Variants in DPP10 observed in about 807,000 individuals in gnomAD.
DPP10 encodes the protein dipeptidyl peptidase like 10.
A neutral mutation model predicts 120.9 loss-of-function variants in DPP10; 33 were observed. The observed-to-expected ratio is 0.27, with a 90% CI of 0.21 to 0.37. The LOEUF is 0.37. DPP10 is among the 10% of genes least tolerant of loss of function. The probability of loss-of-function intolerance (pLI) is 1.00; values close to 1 mark genes in which losing one functional copy is unlikely to be tolerated. For missense variants in DPP10, 816 were observed against 942.8 expected, an observed-to-expected ratio of 0.87 and a Z score of 1.76; for synonymous variants, 337 against 326.1, an observed-to-expected ratio of 1.03 and a Z score of -0.36.
chr2:115,385,884 AT>A (rs2066896746), intron 3 of DPP10, among the ~76,000 whole-genome samples: 1 of 152,218 alleles, frequency 6.6e-6, no homozygotes, highest in African/African-American at 2.4e-5. Flanking sequence ...CCACTCCTAC[AT>A]AAGGTATGAT....
chr2:115,116,920 T>G (rs1355664238), intron 1 of DPP10, among the ~76,000 whole-genome samples: 2 of 152,232 alleles, frequency 1.3e-5, no homozygotes, highest in Non-Finnish European at 2.9e-5. Flanking sequence ...TCAGATTTCT[T>G]GTGCACAAAG....
chr2:115,262,245 A>G (rs1418253265), intron 1 of DPP10, among the ~76,000 whole-genome samples: 1 of 152,152 alleles, frequency 6.6e-6, no homozygotes, highest in Non-Finnish European at 1.5e-5. Flanking sequence ...ATCATTATAT[A>G]TCTGAGAAAT....
intron 1 of DPP10, among the ~76,000 whole-genome samples, chr2:115,218,659 C>G (rs1346922382): frequency 6.6e-6 from 1 of 152,026 alleles, no homozygotes; most frequent in Admixed American, 6.6e-5. Flanking sequence ...AAATGTGTGG[C>G]TCTCTTTCCA....
intron 1 of DPP10, among the ~76,000 whole-genome samples, chr2:115,259,004 T>G (rs779262947): frequency 3.9e-5 from 6 of 152,226 alleles, no homozygotes; most frequent in Admixed American, 1.3e-4. Context: ...CAAAGTTAAG[T>G]CATTTCTCTT....
intron 1 of DPP10, among the ~76,000 whole-genome samples, chr2:114,467,268 G>C (rs953041646): frequency 6.6e-6 from 1 of 152,178 alleles, no homozygotes; most frequent in African/African-American, 2.4e-5. Context: ...AGAGAGGTCA[G>C]CAAGTAAATC....
chr2:114,609,290 C>T (rs1198688809), intron 1 of DPP10, among the ~76,000 whole-genome samples: 1 of 152,088 alleles, frequency 6.6e-6, no homozygotes, highest in Non-Finnish European at 1.5e-5. Context: ...GAACTTTCTC[C>T]CAGGGGTGGA....
At chr2:115,808,365 A>G (rs1170251304) in intron 19 of DPP10, among the ~76,000 whole-genome samples, 1 of 152,182 alleles carries the variant, frequency 6.6e-6, no homozygotes, top group African/African-American at 2.4e-5. Flanking sequence ...GAGTGCAGGA[A>G]TTATTGATGC....
intron 3 of DPP10, among the ~76,000 whole-genome samples, chr2:115,444,445 T>C (rs1171656173): frequency 6.6e-6 from 1 of 152,222 alleles, no homozygotes; most frequent in Admixed American, 6.5e-5. Context: ...AATATTCTCA[T>C]TGATGAATTA....
chr2:115,597,333 T>C (rs946015164), intron 5 of DPP10, among the ~76,000 whole-genome samples: 1 of 151,846 alleles, frequency 6.6e-6, no homozygotes, highest in Non-Finnish European at 1.5e-5. Flanking sequence ...AGAGATCAGG[T>C]AAGGCAATGC....
At chr2:114,899,279 A>G (rs567642063) in intron 1 of DPP10, among the ~76,000 whole-genome samples, 6 of 152,144 alleles carry the variant, frequency 3.9e-5, no homozygotes, top group Middle Eastern at 3.4e-3. Flanking sequence ...TTCAGCTTTG[A>G]GGTTTTTTTT....
intron 1 of DPP10, among the ~76,000 whole-genome samples, chr2:114,584,077 G>A (rs945269207): frequency 5.9e-5 from 9 of 152,110 alleles, no homozygotes; most frequent in Non-Finnish European, 1.2e-4. Flanking sequence ...AGATTCAAAT[G>A]AATATTTCTT....
rs57462947 is a variant in DPP10 at position 115,207,416 on chromosome 2, C to CAAAAAAAAAAAAAAAA, written c.61-101808_61-101793dup. 1.3e-4 allele frequency among the ~76,000 whole-genome samples: 7 copies of CAAAAAAAAAAAAAAAA among 52,302 alleles called. 1 individual carries two copies. Among genetic ancestry groups the CAAAAAAAAAAAAAAAA allele is most frequent in the African/African-American group, 4.6e-4 (7 of 15,136 alleles). The allele number at this position is 52,302 out of a possible 152,430, so 34.3% of individuals were successfully genotyped here. A position where few individuals can be genotyped will look rare whatever the true frequency, so the allele number is the denominator to read the frequency against. On this transcript the variant is annotated intron_variant, in intron 1 of 25. Transcript: ENST00000410059. ...GGTTTTTAAAGAGTGCTTACTGCAC[C>CAAAAAAAAAAAAAAAA]AAAAAAAAAAAAAAAAAAAAAAAAA...
At chr2:115,150,232 T>A (rs1267712171) in intron 1 of DPP10, among the ~76,000 whole-genome samples, 1 of 152,196 alleles carries the variant, frequency 6.6e-6, no homozygotes, top group Non-Finnish European at 1.5e-5. Context: ...GTCATTCGCC[T>A]AGCACAAGCT....
Position 115,746,000 on chromosome 2 carries a change from G to A in DPP10, c.853-86G>A. ...TTTTTTTCTTTTCTAACACAAAACA[G>A]TAAATGAATCAAAAATCCTTTTCTT... On this transcript the variant is annotated intron_variant, in intron 9 of 25. Transcript: ENST00000410059. The A allele has an allele frequency of 1.2e-5, 12 of 983,202 alleles. No individual in the cohort carries two copies. In the South Asian group the frequency reaches 1.7e-4, roughly 14 times the overall value. The allele number at this position is 983,202 out of a possible 1,614,324, so 60.9% of individuals were successfully genotyped here. A position where few individuals can be genotyped will look rare whatever the true frequency, so the allele number is the denominator to read the frequency against.
At chr2:115,818,309 TTA>T (rs1204232582) in intron 21 of DPP10, among the ~76,000 whole-genome samples, 4 of 152,212 alleles carry the variant, frequency 2.6e-5, no homozygotes, top group Non-Finnish European at 4.4e-5. Context: ...AGAGTAAATT[TTA>T]TATGTTTTAC....
Position 115,774,929 on chromosome 2 carries a change from T to TGA in DPP10, c.1222-2279_1222-2278insGA, listed in dbSNP as rs1172287437. On this transcript the variant is annotated intron_variant, in intron 13 of 25. Transcript: ENST00000410059. ...TTTTACCAAAAATGCATTGAAAGCA[T>TGA]TACTCAGCTGACAGATTACACTCTC... Among the ~76,000 whole-genome samples, 5 of 152,216 alleles carry TGA rather than the reference T, an allele frequency of 3.3e-5. 1 individual carries two copies. Among genetic ancestry groups the TGA allele is most frequent in the African/African-American group, 9.6e-5 (4 of 41,560 alleles).
intron 1 of DPP10, among the ~76,000 whole-genome samples, chr2:114,825,644 T>C (rs751818254): frequency 6.6e-6 from 1 of 152,218 alleles, no homozygotes; most frequent in Non-Finnish European, 1.5e-5. Context: ...AAGCATTCTA[T>C]GAATTTTATG....
intron 4 of DPP10, among the ~76,000 whole-genome samples, chr2:115,517,356 G>A (rs1006886786): frequency 6.6e-6 from 1 of 151,942 alleles, no homozygotes; most frequent in African/African-American, 2.4e-5. Context: ...TATATCCTTG[G>A]GTTTCTGGTT....
intron 1 of DPP10, among the ~76,000 whole-genome samples, chr2:114,725,219 G>T (rs1701968525): frequency 6.6e-6 from 1 of 152,122 alleles, no homozygotes; most frequent in African/African-American, 2.4e-5. Flanking sequence ...TATATCTGAT[G>T]CCTCAGCTTC....
Sources: gnomAD v4.1 joint callset for allele counts (sites outside exome capture counted in the v4.1 genomes callset) on GRCh38, gnomAD v4.1.1 for gene constraint, MANE v1.5 for transcripts, NCBI Gene and HGNC (gene_info 2026-07-23, HGNC 2026-07-21) for gene names.